The following KCND2 variants were observed in gnomAD, a reference collection of about 807,000 sequenced individuals.
KCND2 encodes the protein A-type voltage-gated potassium channel KCND2.
A neutral mutation model predicts 54.4 loss-of-function variants in KCND2; 16 were observed. The observed-to-expected ratio is 0.29, with a 90% confidence interval of 0.20 to 0.45. The LOEUF is 0.45. Ranked by LOEUF, KCND2 falls within the 20% of genes least tolerant of loss-of-function variation. The pLI is 1.00. For synonymous variants in KCND2, 317 were observed against 310.7 expected (o/e 1.02, Z -0.21); for missense variants, 486 against 824.2 (o/e 0.59, Z 5.02).
intron 1 of KCND2, among the ~76,000 whole-genome samples, chr7:120,450,950 A>C (rs576102252): frequency 3.3e-5 from 5 of 152,286 alleles, no homozygotes; most frequent in African/African-American, 1.2e-4. Context: ...GAATCAATGG[A>C]ATTTCTTTGC....
At chr7:120,612,100 G>T (rs1792963532) in intron 1 of KCND2, among the ~76,000 whole-genome samples, 1 of 152,194 alleles carries the variant, frequency 6.6e-6, no homozygotes, top group African/African-American at 2.4e-5. Context: ...CTCTACCCAA[G>T]ATATGACTTT....
At chr7:120,668,239 T>C (rs1012544803) in intron 1 of KCND2, among the ~76,000 whole-genome samples, 1 of 152,092 alleles carries the variant, frequency 6.6e-6, no homozygotes, top group Non-Finnish European at 1.5e-5. Flanking sequence ...GTTCCGTAAT[T>C]ATATTCTATC....
intron 1 of KCND2, among the ~76,000 whole-genome samples, chr7:120,640,857 CGGTTAAAGTCAGT>C (rs1185270223): frequency 6.6e-6 from 1 of 152,100 alleles, no homozygotes; most frequent in Non-Finnish European, 1.5e-5. Context: ...CATAGAAGTC[CGGTTAAAGTCAGT>C]GGGAGCTAGG....
chr7:120,516,579 T>C (rs1465754225), intron 1 of KCND2, among the ~76,000 whole-genome samples: 1 of 152,128 alleles, frequency 6.6e-6, no homozygotes, highest in Non-Finnish European at 1.5e-5. Flanking sequence ...AAGATCTTTA[T>C]GTTACTCACA....
intron 1 of KCND2, among the ~76,000 whole-genome samples, chr7:120,474,314 C>CACCA (rs1802502513): frequency 2.6e-5 from 4 of 152,022 alleles, no homozygotes; most frequent in Non-Finnish European, 5.9e-5. Context: ...TGAATGGTGG[C>CACCA]TTCTTTTCAG....
intron 1 of KCND2, among the ~76,000 whole-genome samples, chr7:120,349,327 A>AACACACACACACACACACAC (rs145626165): frequency 6.9e-6 from 1 of 144,462 alleles, no homozygotes; most frequent in East Asian, 2.0e-4. Context: ...CACACACACA[A>AACACACACACACACACACAC]ACACACACAC....
rs544214537 is a variant in KCND2, at chr7:120,471,377, T to C, written c.1115+195630T>C. ...CAAGTTATGATTTGCTTGACTGGAA[T>C]ATGAATTATACATTCCTCTAAATGT... is the stretch of plus-strand genomic sequence containing the variant. On this transcript the variant is annotated intron_variant, in intron 1 of 5. Transcript: ENST00000331113. 4.9e-4 allele frequency among the ~76,000 whole-genome samples: 74 copies of C among 152,282 alleles called. 2 individuals are homozygous for C. In the South Asian group the frequency reaches 0.015, roughly 30 times the overall value.
chr7:120,376,556 T>C (rs1015706693), intron 1 of KCND2, among the ~76,000 whole-genome samples: 3 of 150,728 alleles, frequency 2.0e-5, no homozygotes, highest in African/African-American at 4.8e-5. Context: ...ATATATGATA[T>C]GTATTTATAT....
intron 1 of KCND2, among the ~76,000 whole-genome samples, chr7:120,304,876 C>T (rs1408595450): frequency 6.6e-6 from 1 of 152,180 alleles, no homozygotes; most frequent in Non-Finnish European, 1.5e-5. Context: ...ATACTTGTCT[C>T]TTCATCTCCA....
intron 1 of KCND2, among the ~76,000 whole-genome samples, chr7:120,716,393 C>T (rs1352656454): frequency 1.3e-5 from 2 of 152,046 alleles, no homozygotes; most frequent in Non-Finnish European, 2.9e-5. Context: ...CTTCTCCACA[C>T]AGAGGGAGGT....
chr7:120,738,227 T>C (rs1376684234), intron 2 of KCND2, among the ~76,000 whole-genome samples: 1 of 152,060 alleles, frequency 6.6e-6, no homozygotes, highest in Non-Finnish European at 1.5e-5. Flanking sequence ...CAATGTCATA[T>C]GGTGTGAGGA....
In KCND2 at chr7:120,553,766, G is replaced by A. The variant is rs142970500; in HGVS notation, c.1116-179137G>A. Among the ~76,000 whole-genome samples the A allele has an allele frequency of 2.7e-3, 416 of 152,308 alleles. 2 individuals carry two copies. The highest frequency in any genetic ancestry group is 9.6e-3 in the African/African-American group (397 of 41,548). The stretch of plus-strand genomic sequence containing the variant: ...TCATAATACTTATTGGCTGAAGTGA[G>A]ATTTTAAAGCTATGGACTGGAATTA... On this transcript the variant is annotated intron_variant, in intron 1 of 5. Transcript: ENST00000331113.
intron 1 of KCND2, among the ~76,000 whole-genome samples, chr7:120,312,355 C>T (rs992761884): frequency 2.0e-5 from 3 of 151,870 alleles, no homozygotes; most frequent in African/African-American, 7.2e-5. Context: ...CATGCACATA[C>T]ATGTGTTTTT....
chr7:120,727,962 CT>C (rs2116128685), intron 1 of KCND2, among the ~76,000 whole-genome samples: 1 of 151,736 alleles, frequency 6.6e-6, no homozygotes, highest in Non-Finnish European at 1.5e-5. Context: ...GGTGAAACCC[CT>C]TCTCTACTAA....
chr7:120,739,423 G>A (rs1017668858), intron 2 of KCND2, among the ~76,000 whole-genome samples: 2 of 151,970 alleles, frequency 1.3e-5, no homozygotes, highest in Non-Finnish European at 2.9e-5. Context: ...GTTTCACTGA[G>A]TCTGGTCTGA....
chr7:120,726,853 C>T (rs890621036), intron 1 of KCND2, among the ~76,000 whole-genome samples: 1 of 152,104 alleles, frequency 6.6e-6, no homozygotes, highest in African/African-American at 2.4e-5. Context: ...TTCCTTATAC[C>T]TAGTAATTCA....
intron 1 of KCND2, among the ~76,000 whole-genome samples, chr7:120,679,128 A>G (rs1792108673): frequency 6.6e-6 from 1 of 151,846 alleles, no homozygotes; most frequent in Non-Finnish European, 1.5e-5. Context: ...GCTTTATTTT[A>G]TCACCCTACT....
At chr7:120,432,736 T>C (rs1801812475) in intron 1 of KCND2, among the ~76,000 whole-genome samples, 1 of 152,062 alleles carries the variant, frequency 6.6e-6, no homozygotes, top group Non-Finnish European at 1.5e-5. Context: ...CCTCCACCTC[T>C]ATGGATATAA....
chr7:120,274,268 A>T lies in KCND2; in HGVS notation c.-365A>T. On this transcript the variant is annotated 5_prime_UTR_variant, in exon 1 of 6. Transcript: ENST00000331113. ...ACACTCCACATACTGACCCTATATT[A>T]TCCAGACTGTGCCGGGGAGAAATCA... 2.6e-6 allele frequency: 1 copy of T among 388,760 alleles called. No homozygotes were observed. The highest frequency in any genetic ancestry group is 5.9e-5 in the East Asian group (1 of 17,090). 24.1% of individuals were successfully genotyped at this position (388,760 alleles called of 1,614,324 possible). A position where few individuals can be genotyped will look rare whatever the true frequency, so the allele number is the denominator to read the frequency against.
Sources: allele counts gnomAD v4.1 joint callset (sites outside exome capture counted in the v4.1 genomes callset), GRCh38; gene constraint gnomAD v4.1.1; transcripts MANE v1.5; gene names NCBI Gene and HGNC (gene_info 2026-07-23, HGNC 2026-07-21).